Variants in NSMCE2 observed in about 807,000 individuals in gnomAD.
The protein encoded by NSMCE2 is NSE2 SUMO ligase component of SMC5/6 complex.
Under a neutral mutation model 23.8 loss-of-function variants are expected in NSMCE2, and 24 were observed. The ratio of observed to expected loss-of-function variants is 1.01; its 90% CI spans 0.73 to 1.42. The LOEUF is 1.42. NSMCE2 is among the 40% of genes most tolerant of loss of function. The pLI is 0.00. For synonymous variants in NSMCE2, 92 were observed against 94.1 expected (o/e 0.98, Z 0.13); for missense variants, 284 against 296.5 (o/e 0.96, Z 0.31).
intron 5 of NSMCE2, among the ~76,000 whole-genome samples, chr8:125,307,602 A>G (rs1374009065): frequency 1.3e-5 from 2 of 152,210 alleles, no homozygotes; most frequent in Non-Finnish European, 2.9e-5. Flanking sequence ...AGCTTGCCCT[A>G]GAGTTCTCAG....
At chr8:125,163,982 A>T (rs974877093) in intron 4 of NSMCE2, among the ~76,000 whole-genome samples, 4 of 152,248 alleles carry the variant, frequency 2.6e-5, no homozygotes, top group Admixed American at 1.3e-4. Context: ...TGTTTCAAGT[A>T]TGTTGGAGGC....
chr8:125,257,962 G>A (rs886277129), intron 5 of NSMCE2, among the ~76,000 whole-genome samples: 3 of 152,166 alleles, frequency 2.0e-5, no homozygotes, highest in Non-Finnish European at 4.4e-5. Context: ...TGGTGGTTTT[G>A]GAGAGATGGA....
chr8:125,112,688 A>AG (rs1339914461), intron 3 of NSMCE2, among the ~76,000 whole-genome samples: 1 of 152,162 alleles, frequency 6.6e-6, no homozygotes, highest in Non-Finnish European at 1.5e-5. Context: ...AATCTAAAGA[A>AG]GGTGAACTCA....
intron 5 of NSMCE2, among the ~76,000 whole-genome samples, chr8:125,301,721 G>A (rs1828572436): frequency 6.7e-6 from 1 of 149,786 alleles, no homozygotes; most frequent in Admixed American, 6.7e-5. Flanking sequence ...GGAGTGCAAT[G>A]GCACAGTCTC....
intron 7 of NSMCE2, among the ~76,000 whole-genome samples, chr8:125,360,808 A>G (rs1162476647): frequency 6.6e-6 from 1 of 152,128 alleles, no homozygotes; most frequent in Non-Finnish European, 1.5e-5. Context: ...ACATTGTCTC[A>G]TTTCTTCCTC....
intron 5 of NSMCE2, among the ~76,000 whole-genome samples, chr8:125,272,650 C>T (rs1215117278): frequency 7.9e-6 from 1 of 127,130 alleles, no homozygotes; most frequent in Non-Finnish European, 1.7e-5. Context: ...CACAATAAAA[C>T]AGTTATAGAA....
At chr8:125,308,470 C>T (rs1828845494) in intron 5 of NSMCE2, among the ~76,000 whole-genome samples, 1 of 152,154 alleles carries the variant, frequency 6.6e-6, no homozygotes, top group Admixed American at 6.6e-5. Flanking sequence ...TGGTTACTAC[C>T]AGCAATACAG....
At chr8:125,296,540 A>G (rs1828334360) in intron 5 of NSMCE2, among the ~76,000 whole-genome samples, 1 of 151,878 alleles carries the variant, frequency 6.6e-6, no homozygotes, top group Admixed American at 6.6e-5. Context: ...GATTACAGGC[A>G]TGCACCACCA....
At chr8:125,131,740 G>A (rs1377740284) in intron 3 of NSMCE2, among the ~76,000 whole-genome samples, 1 of 152,178 alleles carries the variant, frequency 6.6e-6, no homozygotes, top group Non-Finnish European at 1.5e-5. Flanking sequence ...CAAAATTGGA[G>A]CTTCTGAAAG....
At chr8:125,151,605 T>C (rs1180169272) in intron 4 of NSMCE2, among the ~76,000 whole-genome samples, 1 of 152,242 alleles carries the variant, frequency 6.6e-6, no homozygotes, top group Non-Finnish European at 1.5e-5. Context: ...ATTGTTCTAT[T>C]TGCTTAAACA....
chr8:125,140,887 T>G (rs867173298), intron 3 of NSMCE2, among the ~76,000 whole-genome samples: 3 of 152,232 alleles, frequency 2.0e-5, no homozygotes, highest in Middle Eastern at 3.4e-3. Context: ...AAATTCACAG[T>G]TTCTTTTCAG....
At chr8:125,124,024 T>G (rs1324982114) in intron 3 of NSMCE2, 2 of 152,316 alleles carry the variant, frequency 1.3e-5, no homozygotes, top group East Asian at 3.9e-4. Flanking sequence ...AAAGAAACCC[T>G]GTACCCTTTA....
chr8:125,234,609 C>G (rs1586650086), intron 5 of NSMCE2, among the ~76,000 whole-genome samples: 1 of 152,166 alleles, frequency 6.6e-6, no homozygotes, highest in African/African-American at 2.4e-5. Context: ...TCTATACAAA[C>G]TACCCCATGA....
intron 3 of NSMCE2, among the ~76,000 whole-genome samples, chr8:125,142,665 T>C (rs562387024): frequency 6.6e-6 from 1 of 151,910 alleles, no homozygotes; most frequent in East Asian, 1.9e-4. Context: ...AGGACAGTGG[T>C]GCTATCTTGG....
At chr8:125,210,787 C>T (rs974109814) in intron 5 of NSMCE2, among the ~76,000 whole-genome samples, 3 of 152,124 alleles carry the variant, frequency 2.0e-5, no homozygotes, top group African/African-American at 7.2e-5. Flanking sequence ...GATCTCGGCT[C>T]ACTGCTCACT....
intron 4 of NSMCE2, among the ~76,000 whole-genome samples, chr8:125,179,223 T>G (rs1416745099): frequency 6.6e-6 from 1 of 152,190 alleles, no homozygotes; most frequent in Non-Finnish European, 1.5e-5. Context: ...AGTAGATCTC[T>G]CCATCTCAAA....
At chr8:125,113,972 G>A (rs75395316) in intron 3 of NSMCE2, among the ~76,000 whole-genome samples, 1,949 of 152,258 alleles carry the variant, frequency 0.013, 36 homozygotes, top group African/African-American at 0.045. Flanking sequence ...TGAACCAAAA[G>A]AAGTAAATTC....
intron 4 of NSMCE2, among the ~76,000 whole-genome samples, chr8:125,164,925 A>C (rs1821800736): frequency 6.6e-6 from 1 of 152,236 alleles, no homozygotes; most frequent in Non-Finnish European, 1.5e-5. Context: ...TTGCCAGGTT[A>C]GCCTACAGAT....
At chr8:125,341,482 A>T (rs532001912) in intron 5 of NSMCE2, among the ~76,000 whole-genome samples, 8 of 152,204 alleles carry the variant, frequency 5.3e-5, no homozygotes, top group Middle Eastern at 3.2e-3. Flanking sequence ...GAAAATGCGA[A>T]GCAAGATCAA....
Sources: gnomAD v4.1 joint callset for allele counts (sites outside exome capture counted in the v4.1 genomes callset) on GRCh38, gnomAD v4.1.1 for gene constraint, MANE v1.5 for transcripts, NCBI Gene and HGNC (gene_info 2026-07-23, HGNC 2026-07-21) for gene names.